The following FAM227B variants were observed in gnomAD, a reference collection of about 807,000 sequenced individuals.
FAM227B encodes family with sequence similarity 227 member B.
Under a neutral mutation model 73.8 loss-of-function variants are expected in FAM227B, and 88 were observed. That is an observed-to-expected ratio of 1.19 (90% CI 1.00 to 1.42). FAM227B has a LOEUF of 1.42. Ranked by LOEUF, FAM227B falls within the 40% of genes most tolerant of loss-of-function variation. FAM227B has a pLI of 0.00. For synonymous variants in FAM227B, 210 were observed against 190.5 expected (o/e 1.10, Z -0.84); for missense variants, 632 against 590.9 (o/e 1.07, Z -0.72).
chr15:49,580,942 A>C (rs1192767155), intron 5 of FAM227B, among the ~76,000 whole-genome samples: 1 of 152,226 alleles, frequency 6.6e-6, no homozygotes. Context: ...ATAAATAAAA[A>C]ATAATGAACA....
chr15:49,417,133 T>G (rs947251798), intron 11 of FAM227B, among the ~76,000 whole-genome samples: 3 of 152,120 alleles, frequency 2.0e-5, no homozygotes, highest in Admixed American at 2.0e-4. Flanking sequence ...TGCTCACACC[T>G]GCAATCCCAG....
chr15:49,549,350 T>C (rs2072458329), intron 9 of FAM227B, among the ~76,000 whole-genome samples: 1 of 99,336 alleles, frequency 1.0e-5, no homozygotes, highest in Non-Finnish European at 2.0e-5. Flanking sequence ...TTTTATTGAT[T>C]ATTCTTGGGT....
At position 49,617,776 on chromosome 15, in the gene FAM227B, T is replaced by TTGTGTG. The variant is rs67917912; in HGVS notation, c.-72-2539_-72-2534dup. ...TGCAGGGCTATGCTCCTTTCATGTT[T>TTGTGTG]TGTGTGTGTGTGTGTGTGTGTGTGT... On this transcript the variant is annotated intron_variant, in intron 1 of 15. Transcript: ENST00000299338. 1.5e-3 allele frequency among the ~76,000 whole-genome samples: 226 copies of TTGTGTG among 148,204 alleles called. 2 individuals carry two copies. The highest frequency in any genetic ancestry group is 5.0e-3 in the East Asian group (25 of 5,028).
At chr15:49,529,161 C>A (rs1405884814) in intron 10 of FAM227B, among the ~76,000 whole-genome samples, 3 of 151,662 alleles carry the variant, frequency 2.0e-5, no homozygotes, top group South Asian at 4.1e-4. Context: ...GGAATACAAT[C>A]ATGTTTCTGC....
At chr15:49,555,220 C>G (rs537127125) in intron 9 of FAM227B, among the ~76,000 whole-genome samples, 1 of 152,310 alleles carries the variant, frequency 6.6e-6, no homozygotes, top group African/African-American at 2.4e-5. Flanking sequence ...ATTTAGCACT[C>G]TCTTCGGGAC....
intron 14 of FAM227B, chr15:49,334,201 C>G: frequency 1.0e-6 from 1 of 967,796 alleles, no homozygotes; most frequent in Non-Finnish European, 1.2e-6. Flanking sequence ...CACTACCAAG[C>G]TGAATAAGAG....
At chr15:49,416,140 C>T (rs1295473542) in intron 11 of FAM227B, among the ~76,000 whole-genome samples, 1 of 94,594 alleles carries the variant, frequency 1.1e-5, no homozygotes, top group African/African-American at 4.1e-5. Context: ...CCAAGATCCA[C>T]CCCACCCCCC....
chr15:49,552,700 A>C (rs2073180205), intron 9 of FAM227B, among the ~76,000 whole-genome samples: 1 of 151,984 alleles, frequency 6.6e-6, no homozygotes, highest in Non-Finnish European at 1.5e-5. Context: ...TGTGTTTTCA[A>C]ATAGCCTATC....
rs975560191 is a variant in FAM227B at position 49,365,196 on chromosome 15, T to C, written c.1271+2252A>G. 1.5e-5 allele frequency: 12 copies of C among 822,558 alleles called. No individual in the cohort carries two copies. In the African/African-American group the frequency reaches 1.9e-4, roughly 13 times the overall value. The allele number at this position is 822,558 out of a possible 1,614,324, so 51.0% of individuals were successfully genotyped here. ...TTTGCATAATACAGATGGTCCATCA[T>C]CTGATAGCTGTTACCTTTCCAGAAC... On this transcript the variant is annotated intron_variant, in intron 13 of 15. Transcript: ENST00000299338.
intron 2 of FAM227B, among the ~76,000 whole-genome samples, chr15:49,614,427 T>C (rs1318170270): frequency 6.6e-6 from 1 of 152,242 alleles, no homozygotes; most frequent in Non-Finnish European, 1.5e-5. Flanking sequence ...TTCAAAATTA[T>C]TGAGTTTGAA....
Position 49,329,270 on chromosome 15 carries a change from G to A in FAM227B, c.1420-595C>T, listed in dbSNP as rs1197160115. On this transcript the variant is annotated intron_variant, in intron 15 of 15. Transcript: ENST00000299338. ...CAAGAGTGGGCAGAAATGTTTGGCT[G>A]GTGATGGCAAATGACTGGCTTTCTC... 6.1e-6 allele frequency: 6 copies of A among 985,314 alleles called. No homozygotes were observed. The African/African-American group carries it at 1.0e-4, about 17-fold the overall frequency. The allele number at this position is 985,314 out of a possible 1,614,324, so 61.0% of individuals were successfully genotyped here.
intron 11 of FAM227B, chr15:49,483,172 T>C: frequency 3.2e-6 from 5 of 1,583,334 alleles, no homozygotes; most frequent in South Asian, 1.1e-5. Flanking sequence ...ATCAGGACAG[T>C]GGCAGTTGGA....
chr15:49,352,543 T>A (rs1053286380), intron 13 of FAM227B, among the ~76,000 whole-genome samples: 1 of 152,222 alleles, frequency 6.6e-6, no homozygotes, highest in South Asian at 2.1e-4. Flanking sequence ...TCTTTTATTT[T>A]TCTTTATCTA....
chr15:49,555,609 A>T (rs1269738343), intron 9 of FAM227B, among the ~76,000 whole-genome samples: 1 of 152,178 alleles, frequency 6.6e-6, no homozygotes, highest in Non-Finnish European at 1.5e-5. Context: ...GAGGGTGGGT[A>T]ATTTTTCACA....
chr15:49,577,093 T>A lies in FAM227B; in HGVS notation c.442-248A>T, dbSNP rs576516993. On this transcript the variant is annotated intron_variant, in intron 6 of 15. Coordinates refer to ENST00000299338, the MANE Select transcript of FAM227B (RefSeq NM_152647.3). ...GGGTGGATCACTTGAGGTCGGGAGT[T>A]CGAGACCAGCCTGGACAACATGGTG... The A allele has an allele frequency of 1.1e-5, 4 of 366,000 alleles. No homozygotes were observed. In the East Asian group the frequency reaches 2.2e-4, roughly 20 times the overall value. 22.7% of individuals were successfully genotyped at this position (366,000 alleles called of 1,614,324 possible).
intron 11 of FAM227B, among the ~76,000 whole-genome samples, chr15:49,489,803 T>TTATATATATATATATTA (rs2056749768): frequency 2.4e-4 from 14 of 57,314 alleles, no homozygotes; most frequent in South Asian, 6.3e-4. Context: ...TATATATATT[T>TTATATATATATATATTA]TATATATATA....
At chr15:49,557,762 T>C (rs1477416705) in intron 9 of FAM227B, among the ~76,000 whole-genome samples, 1 of 152,102 alleles carries the variant, frequency 6.6e-6, no homozygotes, top group African/African-American at 2.4e-5. Flanking sequence ...TGAGAGATAT[T>C]CCTGACCCCC....
intron 11 of FAM227B, among the ~76,000 whole-genome samples, chr15:49,460,317 G>T (rs1239082133): frequency 6.6e-6 from 1 of 152,128 alleles, no homozygotes; most frequent in Admixed American, 6.6e-5. Flanking sequence ...ACAATATGTT[G>T]AGACAAACAT....
rs535275935 is a variant in FAM227B, at chr15:49,470,497, A to G, written c.1012+37714T>C. On this transcript the variant is annotated intron_variant, in intron 11 of 15. Coordinates refer to ENST00000299338, the MANE Select transcript of FAM227B (RefSeq NM_152647.3). The stretch of plus-strand genomic sequence containing the variant: ...CAAAACCACTATCACTTCAAACTTA[A>G]TATCTTCATAAAAACTCCAACACAT... Among the ~76,000 whole-genome samples, 17 of 152,248 alleles carry G rather than the reference A, an allele frequency of 1.1e-4. 1 individual carries two copies. In the South Asian group the frequency reaches 3.1e-3, roughly 28 times the overall value.
Sources: gnomAD v4.1 joint callset for allele counts (sites outside exome capture counted in the v4.1 genomes callset) on GRCh38, gnomAD v4.1.1 for gene constraint, MANE v1.5 for transcripts, NCBI Gene and HGNC (gene_info 2026-07-23, HGNC 2026-07-21) for gene names.